The following PTPN4 variants were observed in gnomAD, a reference collection of about 807,000 sequenced individuals.
PTPN4 encodes the protein tyrosine-protein phosphatase non-receptor type 4.
PTPN4 carries 49 observed loss-of-function variants against 135.5 expected under a neutral mutation model. The ratio of observed to expected loss-of-function variants is 0.36; its 90% CI spans 0.29 to 0.46. The LOEUF (loss-of-function observed/expected upper bound fraction) is 0.46, where lower values mean the gene tolerates loss of function less well. Ranked by LOEUF, PTPN4 falls within the 20% of genes least tolerant of loss-of-function variation. PTPN4 has a pLI of 1.00. For synonymous variants in PTPN4, 333 were observed against 369.9 expected, an observed-to-expected ratio of 0.90 and a Z score of 1.14; for missense variants, 860 against 1,101.0, an observed-to-expected ratio of 0.78 and a Z score of 3.10.
chr2:119,955,085 C>A, intron 19 of PTPN4, 72 bp from the exon 20 acceptor site: 1 of 1,318,086 alleles, frequency 7.6e-7, no homozygotes, highest in East Asian at 2.3e-5. Flanking sequence ...TACAGTGTAT[C>A]TGGTAAATTC....
intron 1 of PTPN4, among the ~76,000 whole-genome samples, chr2:119,785,740 G>T (rs1425816210): frequency 2.0e-5 from 3 of 152,096 alleles, no homozygotes; most frequent in Non-Finnish European, 4.4e-5. Flanking sequence ...TGCTTTGTGT[G>T]TGTGTGTCTA....
chr2:119,942,696 G>C (rs1020471928), intron 15 of PTPN4, among the ~76,000 whole-genome samples: 2 of 152,090 alleles, frequency 1.3e-5, no homozygotes, highest in African/African-American at 4.8e-5. Context: ...TAAAGTTTTA[G>C]AGATTCTTAT....
At chr2:119,943,632 T>C (rs1454193847) in intron 15 of PTPN4, among the ~76,000 whole-genome samples, 1 of 131,798 alleles carries the variant, frequency 7.6e-6, no homozygotes, top group Non-Finnish European at 1.6e-5. Context: ...GTCGCCCAAG[T>C]TGGAGTGCAG....
At chr2:119,913,685 A>G (rs1297100970) in intron 10 of PTPN4, among the ~76,000 whole-genome samples, 3 of 152,160 alleles carry the variant, frequency 2.0e-5, no homozygotes, top group Admixed American at 1.3e-4. Flanking sequence ...AGTCATTGTA[A>G]AACCTCTGAT....
intron 2 of PTPN4, among the ~76,000 whole-genome samples, chr2:119,810,236 ATAG>A (rs1691553806): frequency 6.6e-6 from 1 of 152,216 alleles, no homozygotes; most frequent in Admixed American, 6.5e-5. Flanking sequence ...GAGCAGATCC[ATAG>A]TATGTGTGTG....
intron 2 of PTPN4, among the ~76,000 whole-genome samples, chr2:119,838,282 G>A (rs1024060048): frequency 1.3e-5 from 2 of 151,924 alleles, no homozygotes; most frequent in African/African-American, 4.8e-5. Context: ...CATGTACCAG[G>A]TGTAGCCTGC....
intron 25 of PTPN4, among the ~76,000 whole-genome samples, chr2:119,967,408 C>T (rs1251036111): frequency 6.6e-6 from 1 of 151,746 alleles, no homozygotes; most frequent in Non-Finnish European, 1.5e-5. Flanking sequence ...GAGATCGCAC[C>T]ACTGCACTCC....
intron 1 of PTPN4, among the ~76,000 whole-genome samples, chr2:119,809,608 C>T (rs1331532695): frequency 3.3e-5 from 5 of 151,552 alleles, no homozygotes; most frequent in Non-Finnish European, 7.4e-5. Flanking sequence ...ATTAAATCTT[C>T]TGGATGGAGC....
chr2:119,950,957 G>A lies in PTPN4; in HGVS notation c.1657-1016G>A, dbSNP rs535781838. ...ATTTCCTTTACTGTCTCTTATAAAG[G>A]TAAAAGGAAATGAAAAAAATAGTAA... On this transcript the variant is annotated intron_variant, in intron 18 of 26. Transcript: ENST00000263708. Among the ~76,000 whole-genome samples, 550 of 152,126 alleles carry A rather than the reference G, an allele frequency of 3.6e-3. 3 individuals carry two copies. The highest frequency in any genetic ancestry group is 0.013 in the African/African-American group (526 of 41,486).
chr2:119,974,506 G>A (rs1241863682), intron 26 of PTPN4, among the ~76,000 whole-genome samples: 1 of 152,146 alleles, frequency 6.6e-6, no homozygotes, highest in African/African-American at 2.4e-5. Context: ...ACCGTGCCTA[G>A]CCTGTAGTTA....
At chr2:119,766,461 T>G in intron 1 of PTPN4, among the ~76,000 whole-genome samples, 1 of 136,292 alleles carries the variant, frequency 7.3e-6, no homozygotes. Context: ...TGTGTGTGTG[T>G]GTGTGTGTGT....
At chr2:119,908,203 A>G (rs550593253) in intron 10 of PTPN4, among the ~76,000 whole-genome samples, 1 of 152,322 alleles carries the variant, frequency 6.6e-6, no homozygotes, top group African/African-American at 2.4e-5. Context: ...TACATCCAAC[A>G]AGGGCCTGGT....
chr2:119,893,762 G>A (rs1558756993), intron 9 of PTPN4, among the ~76,000 whole-genome samples: 1 of 152,076 alleles, frequency 6.6e-6, no homozygotes, highest in Non-Finnish European at 1.5e-5. Flanking sequence ...AGTAAATCAG[G>A]AGCAGTCAGC....
rs765441890 is a variant in PTPN4, at chr2:119,945,147, T to C, written c.1422T>C (p.Ser474=). The change falls in exon 16 of 27, where the codon AGT becomes AGC. Residue 474 remains serine (S), a synonymous_variant. Coordinates refer to ENST00000263708, the MANE Select transcript of PTPN4 (RefSeq NM_002830.4). The part of the protein sequence containing the change: ...ALPPKQSKKN[S]WNQIHYSHSQ... ...CACCCAAACAGTCAAAGAAAAACAG[T>C]TGGAACCAAATTCATTATTCACATT... 9.3e-6 allele frequency: 15 copies of C among 1,604,660 alleles called. No individual in the cohort carries two copies. The South Asian group carries it at 1.5e-4, about 16-fold the overall frequency.
At chr2:119,897,199 C>T (rs188033089) in intron 9 of PTPN4, among the ~76,000 whole-genome samples, 1 of 152,228 alleles carries the variant, frequency 6.6e-6, no homozygotes, top group Non-Finnish European at 1.5e-5. Flanking sequence ...TCCCAAAGTG[C>T]TGGGATTACA....
At chr2:119,861,578 C>A (rs948347503) in intron 2 of PTPN4, among the ~76,000 whole-genome samples, 2 of 152,166 alleles carry the variant, frequency 1.3e-5, no homozygotes, top group African/African-American at 4.8e-5. Context: ...AAATTGCTTT[C>A]CCAACAGATA....
chr2:119,784,072 A>G (rs1690997958), intron 1 of PTPN4, among the ~76,000 whole-genome samples: 1 of 152,170 alleles, frequency 6.6e-6, no homozygotes. Context: ...ACAGCATGTT[A>G]GAAGCTGGGT....
intron 2 of PTPN4, among the ~76,000 whole-genome samples, chr2:119,862,069 C>T (rs1401159173): frequency 6.6e-6 from 1 of 151,936 alleles, no homozygotes; most frequent in Non-Finnish European, 1.5e-5. Flanking sequence ...GAATAAAAGG[C>T]ATAACAAAAT....
chr2:119,903,667 C>G (rs1285661413), intron 10 of PTPN4, among the ~76,000 whole-genome samples: 1 of 152,028 alleles, frequency 6.6e-6, no homozygotes, highest in African/African-American at 2.4e-5. Flanking sequence ...ACTGGCTCGT[C>G]CACCCTGCCT....
Sources: allele counts gnomAD v4.1 joint callset (sites outside exome capture counted in the v4.1 genomes callset), GRCh38; gene constraint gnomAD v4.1.1; transcripts MANE v1.5; gene names NCBI Gene and HGNC (gene_info 2026-07-23, HGNC 2026-07-21).